Variants in OCEL1 observed in about 807,000 individuals in gnomAD.
The protein encoded by OCEL1 is occludin/ELL domain-containing protein 1.
A neutral mutation model predicts 29.4 loss-of-function variants in OCEL1; 24 were observed. That is an observed-to-expected ratio of 0.82 (90% CI 0.59 to 1.15). OCEL1 has a LOEUF of 1.15. Ranked by LOEUF, OCEL1 falls within the 50% of genes most tolerant of loss-of-function variation. OCEL1 has a pLI of 0.00. For missense variants in OCEL1, 402 were observed against 352.5 expected (o/e 1.14, Z -1.13); for synonymous variants, 172 against 145.3 (o/e 1.18, Z -1.32).
intron 2 of OCEL1, 35 bp from the exon 3 acceptor site, chr19:17,226,959 C>G (rs1306839733): frequency 6.5e-7 from 1 of 1,544,846 alleles, no homozygotes; most frequent in Non-Finnish European, 8.7e-7. Context: ...TTCCCGACAC[C>G]CCGATTTAAC....
At position 17,226,832 on chromosome 19, in the gene OCEL1, G is replaced by A. The variant is rs769947475; in HGVS notation, c.209G>A (p.Gly70Glu). The A allele has an allele frequency of 1.9e-6, 3 of 1,577,956 alleles. No individual in the cohort carries two copies. The highest frequency in any genetic ancestry group is 1.7e-6 in the Non-Finnish European group (2 of 1,167,292). The change falls in exon 2 of 6, where the codon GGG becomes GAG. Residue 70 changes from glycine (G) to glutamate (E), a missense_variant. Coordinates refer to ENST00000215061, the MANE Select transcript of OCEL1 (RefSeq NM_024578.3). ...REPPKTRGSRGHLHTHPPGPG... is the reference protein window; with the variant it reads ...REPPKTRGSREHLHTHPPGPG... The stretch of plus-strand genomic sequence containing the variant: ...CCCCCAAAGACTCGCGGCTCCCGGG[G>A]GCACCTGCATACTCACCCGCCTGGG...
chr19:17,226,603 TGA>T (rs1431241403), intron 1 of OCEL1, 88 bp from the exon 2 acceptor site: 1 of 1,318,024 alleles, frequency 7.6e-7, no homozygotes, highest in Non-Finnish European at 1.0e-6. Context: ...TCCCGCGGGG[TGA>T]GAGTTGGCCG....
At position 17,228,683 on chromosome 19, in the gene OCEL1, G is replaced by A. The variant is rs1395832984; in HGVS notation, c.673-120G>A. ...GCCACCTTGCCCGGCTCACCCGGTC[G>A]CCTGTGCCCAGTTTCAAGGAGAGAA... On this transcript the variant is annotated intron_variant, in intron 5 of 5. Coordinates refer to ENST00000215061, the MANE Select transcript of OCEL1 (RefSeq NM_024578.3). 8.6e-6 allele frequency: 12 copies of A among 1,400,716 alleles called. No individual in the cohort carries two copies. The African/African-American group carries it at 8.6e-5, about 10-fold the overall frequency. 86.8% of individuals were successfully genotyped at this position (1,400,716 alleles called of 1,614,324 possible).
At chr19:17,226,362 G>C in intron 1 of OCEL1, 46 bp downstream of exon 1, 1 of 1,591,942 alleles carries the variant, frequency 6.3e-7, no homozygotes, top group Middle Eastern at 1.7e-4. Flanking sequence ...AGGTGGGGCG[G>C]AGGTCCCGAG....
intron 5 of OCEL1, 131 bp from the exon 6 acceptor site, chr19:17,228,672 C>G (rs1274875073): frequency 7.6e-7 from 1 of 1,313,134 alleles, no homozygotes; most frequent in African/African-American, 1.5e-5. Flanking sequence ...CCTTGCCCGG[C>G]TCACCCGGTC....
In OCEL1 at chr19:17,227,956, T is replaced by C; in HGVS notation, c.569T>C (p.Leu190Pro). The change falls in exon 4 of 6, where the codon CTC becomes CCC. Residue 190 changes from leucine to proline, a missense_variant. Transcript: ENST00000215061. The stretch of plus-strand genomic sequence containing the variant: ...GAGGTGGGGTGTGCACAGGCAAAGC[T>C]CAGGCAGCTGGAGGCCCTGCTGAGC... The part of the protein sequence containing the change: ...QHEVGCAQAK[L>P]RQLEALLSSL... 6.2e-7 allele frequency: 1 copy of C among 1,612,906 alleles called. No homozygotes were observed. The highest frequency in any genetic ancestry group is 8.5e-7 in the Non-Finnish European group (1 of 1,179,986).
rs746430157 is a variant in OCEL1, at chr19:17,226,831, G to T, written c.208G>T (p.Gly70Trp). 1 of 1,578,382 alleles carries T rather than the reference G, an allele frequency of 6.3e-7. No individual in the cohort carries two copies. Among genetic ancestry groups the T allele is most frequent in the East Asian group, 2.3e-5 (1 of 43,348 alleles). ...GCCCCCAAAGACTCGCGGCTCCCGG[G>T]GGCACCTGCATACTCACCCGCCTGG... ...REPPKTRGSR[G>W]HLHTHPPGPG... Residue 70 changes from glycine (G) to tryptophan (W), a missense_variant, in exon 2 of 6, where the codon GGG (glycine) becomes TGG (tryptophan). Physicochemically the swap from Gly to Trp is radical, Grantham distance 184 (BLOSUM62 -2). Coordinates refer to ENST00000215061, the MANE Select transcript of OCEL1 (RefSeq NM_024578.3).
At chr19:17,228,342 C>A (rs924291619) in intron 5 of OCEL1, 33 bp downstream of exon 5, 1 of 1,609,230 alleles carries the variant, frequency 6.2e-7, no homozygotes, top group Non-Finnish European at 8.5e-7. Flanking sequence ...TGGTCTTGCA[C>A]CCCTGAGACT....
In OCEL1 at chr19:17,226,872, G is replaced by A. The variant is rs1256943485; in HGVS notation, c.246+3G>A. Reference sequence around the variant, plus strand: ...ACCCGCCTGGGCCTGGGCCCCCGGTGAGCCTGACCGGGAGGGGGTCCCCAG... The same window carrying A: ...ACCCGCCTGGGCCTGGGCCCCCGGTAAGCCTGACCGGGAGGGGGTCCCCAG... On this transcript the variant is annotated splice_donor_region_variant and intron_variant, in intron 2 of 5. Transcript: ENST00000215061. 6.6e-7 allele frequency: 1 copy of A among 1,520,848 alleles called. No individual in the cohort carries two copies. Among genetic ancestry groups the A allele is most frequent in the African/African-American group, 1.4e-5 (1 of 70,936 alleles). 94.2% of individuals were successfully genotyped at this position (1,520,848 alleles called of 1,614,324 possible).
At chr19:17,228,181 G>T in intron 4 of OCEL1, 75 bp from the exon 5 acceptor site, 1 of 1,582,538 alleles carries the variant, frequency 6.3e-7, no homozygotes, top group Non-Finnish European at 8.7e-7. Flanking sequence ...CATTTAGTCT[G>T]TCTGAGCCTC....
In OCEL1 at chr19:17,226,768, C is replaced by A. The variant is rs373084693; in HGVS notation, c.145C>A (p.Leu49Met). 1.9e-6 allele frequency: 3 copies of A among 1,593,818 alleles called. No individual in the cohort carries two copies. The highest frequency in any genetic ancestry group is 3.5e-5 in the Admixed American group (2 of 57,572). ...RRTRPSARKP[L>M]SCFSRRPMPT... ...GACCCGCCCATCAGCCCGGAAACCC[C>A]TGAGCTGCTTCTCCCGGAGGCCGAT... The change falls in exon 2 of 6, where the codon CTG becomes ATG. Residue 49 changes from leucine (L) to methionine (M), a missense_variant. Coordinates refer to ENST00000215061, the MANE Select transcript of OCEL1 (RefSeq NM_024578.3).
intron 5 of OCEL1, 72 bp downstream of exon 5, chr19:17,228,381 T>A (rs755597908): frequency 6.9e-7 from 1 of 1,453,860 alleles, no homozygotes; most frequent in Admixed American, 2.1e-5. Flanking sequence ...CTGTGCCCAG[T>A]TTCTTTTTTT....
At position 17,226,251 on chromosome 19, in the gene OCEL1, CACAACCCGG is replaced by C. The variant is rs747353457; in HGVS notation, c.7_15del (p.Asn3_Asp5del). The C allele has an allele frequency of 3.1e-6, 5 of 1,610,100 alleles. No individual in the cohort carries two copies. The highest frequency in any genetic ancestry group is 4.2e-6 in the Non-Finnish European group (5 of 1,178,738). On this transcript the variant is annotated inframe_deletion, in exon 1 of 6. Coordinates refer to ENST00000215061, the MANE Select transcript of OCEL1 (RefSeq NM_024578.3). ...AGTCGGGTCCATCCTGCAGTAAATG[CACAACCCGG>C]ACGGAAGTGCCTCTCCGACAGCAGA...
At chr19:17,227,507 A>G (rs1016609310) in intron 3 of OCEL1, among the ~76,000 whole-genome samples, 4 of 152,140 alleles carry the variant, frequency 2.6e-5, no homozygotes, top group Admixed American at 6.6e-5. Context: ...CCCGGCCAAC[A>G]TTGTGAAACC....
Position 17,227,020 on chromosome 19 carries a change from C to T in OCEL1, c.273C>T (p.Leu91=), listed in dbSNP as rs375426920. 6.3e-7 allele frequency: 1 copy of T among 1,593,794 alleles called. No homozygotes were observed. The highest frequency in any genetic ancestry group is 8.5e-7 in the Non-Finnish European group (1 of 1,174,178). Residue 91 remains leucine (L), a synonymous_variant, in exon 3 of 6, where the codon CTC becomes CTT. Coordinates refer to ENST00000215061, the MANE Select transcript of OCEL1 (RefSeq NM_024578.3). ...PPLQGLAPRG[L]KTSAPRPPCQ... ...TGCAGGGACTGGCGCCCCGAGGCCT[C>T]AAAACCAGCGCCCCCCGCCCTCCGT...
In OCEL1 at chr19:17,227,147, G is replaced by C. The variant is rs2073370113; in HGVS notation, c.400G>C (p.Ala134Pro). 6.3e-7 allele frequency: 1 copy of C among 1,591,520 alleles called. No individual in the cohort carries two copies. The highest frequency in any genetic ancestry group is 8.5e-7 in the Non-Finnish European group (1 of 1,172,748). Residue 134 changes from alanine to proline, a missense_variant, in exon 3 of 6, where the codon GCC (alanine) becomes CCC (proline). Transcript: ENST00000215061. The part of the protein sequence containing the change: ...ALLGAKKPIG[A>P]IPKGHKPRPH... ...CCTGGGCGCCAAGAAGCCTATTGGA[G>C]CCATCCCTAAGGGGCATAAGCCTAG...
At position 17,226,840 on chromosome 19, in the gene OCEL1, C is replaced by G. The variant is rs2073365497; in HGVS notation, c.217C>G (p.His73Asp). ...GACTCGCGGCTCCCGGGGGCACCTGCATACTCACCCGCCTGGGCCTGGGCC... is the reference window on the plus strand; with the variant it reads ...GACTCGCGGCTCCCGGGGGCACCTGGATACTCACCCGCCTGGGCCTGGGCC... Reference protein sequence around the residue: ...PKTRGSRGHLHTHPPGPGPPL... With the variant: ...PKTRGSRGHLDTHPPGPGPPL... The change falls in exon 2 of 6, where the codon CAT becomes GAT. Residue 73 changes from histidine to aspartate, a missense_variant. Transcript: ENST00000215061. The G allele has an allele frequency of 6.4e-7, 1 of 1,564,580 alleles. No individual in the cohort carries two copies. Among genetic ancestry groups the G allele is most frequent in the Non-Finnish European group, 8.6e-7 (1 of 1,162,032 alleles).
chr19:17,228,143 T>C (rs2073379348), intron 4 of OCEL1, 113 bp from the exon 5 acceptor site: 5 of 1,532,516 alleles, frequency 3.3e-6, no homozygotes, highest in Non-Finnish European at 4.5e-6. Context: ...ATGGCTAAGG[T>C]CAGCCCTTGA....
In OCEL1 at chr19:17,226,705, C is replaced by A; in HGVS notation, c.82C>A (p.Pro28Thr). 1 of 1,497,988 alleles carries A rather than the reference C, an allele frequency of 6.7e-7. No individual in the cohort carries two copies. The highest frequency in any genetic ancestry group is 1.3e-5 in the South Asian group (1 of 77,312). The allele number at this position is 1,497,988 out of a possible 1,614,324, so 92.8% of individuals were successfully genotyped here. Residue 28 changes from proline to threonine, a missense_variant, in exon 2 of 6, where the codon CCA (proline) becomes ACA (threonine). Coordinates refer to ENST00000215061, the MANE Select transcript of OCEL1 (RefSeq NM_024578.3). ...TGTCCACCCACAGGCCGCCCGCAGA[C>A]CACCCCCGCCGCGCGCGGGACACGA... ...LQTLGQAARR[P>T]PPPRAGHDAP... is the part of the protein sequence containing the mutation.
Sources: gnomAD v4.1 joint callset for allele counts (sites outside exome capture counted in the v4.1 genomes callset) on GRCh38, gnomAD v4.1.1 for gene constraint, MANE v1.5 for transcripts, NCBI Gene and HGNC (gene_info 2026-07-23, HGNC 2026-07-21) for gene names.